SLCO1A2: variants seen among roughly 807,000 people sequenced by gnomAD.
The protein encoded by SLCO1A2 is OATP-1.
In SLCO1A2, 67 loss-of-function variants were observed where a neutral mutation model predicts 69.0. That is an observed-to-expected ratio of 0.97 (90% CI 0.80 to 1.19). The LOEUF (loss-of-function observed/expected upper bound fraction) is 1.19, where lower values mean the gene tolerates loss of function less well. Among genes scored for constraint, SLCO1A2 ranks in the 50% most tolerant of loss-of-function variants. The pLI is 0.00. For synonymous variants in SLCO1A2, 260 were observed against 265.9 expected (o/e 0.98, Z 0.22); for missense variants, 787 against 793.7 (o/e 0.99, Z 0.10).
chr12:21,355,117 A>T (rs1938261548), intron 2 of SLCO1A2: 1 of 152,208 alleles, frequency 6.6e-6, no homozygotes, highest in South Asian at 2.1e-4. Context: ...TTTCTTTATC[A>T]TATGATCCAT....
rs1464511484 is a variant in SLCO1A2, at chr12:21,328,542, C to G, written c.60+6046G>C. On this transcript the variant is annotated intron_variant, in intron 2 of 14. Coordinates refer to ENST00000683939, the MANE Select transcript of SLCO1A2 (RefSeq NM_001386879.1). ...AGGCCTCTAGGCAGTTATGGATTCT[C>G]CTGGCGTGAGCAGGTAGAGGTGGTG... Among the ~76,000 whole-genome samples the G allele has an allele frequency of 2.0e-5, 3 of 152,078 alleles. No individual in the cohort carries two copies. In the East Asian group the frequency reaches 5.8e-4, roughly 29 times the overall value.
At chr12:21,307,052 G>GCC in intron 4 of SLCO1A2, 64 bp from the exon 5 acceptor site, 1 of 1,130,594 alleles carries the variant, frequency 8.8e-7, no homozygotes, top group Non-Finnish European at 1.3e-6. Flanking sequence ...TGGGCAATGT[G>GCC]CAGATTGTTA....
chr12:21,398,710 G>T (rs1429023679), upstream of SLCO1A2, among the ~76,000 whole-genome samples: 2 of 150,392 alleles, frequency 1.3e-5, no homozygotes, highest in East Asian at 4.0e-4. Context: ...GGGATGCAAG[G>T]CTGGTTCAAT....
chr12:21,325,325 A>T (rs908109749), intron 2 of SLCO1A2, among the ~76,000 whole-genome samples: 1 of 150,912 alleles, frequency 6.6e-6, no homozygotes, highest in African/African-American at 2.5e-5. Flanking sequence ...AAGAAGTTAA[A>T]ATTACCTTAC....
At chr12:21,344,278 C>A (rs1444034709) in intron 2 of SLCO1A2, among the ~76,000 whole-genome samples, 2 of 151,950 alleles carry the variant, frequency 1.3e-5, no homozygotes, top group South Asian at 2.1e-4. Context: ...ACAATATAAT[C>A]CAAGGAAGAG....
intron 2 of SLCO1A2, among the ~76,000 whole-genome samples, chr12:21,364,112 C>A (rs1338029146): frequency 1.3e-5 from 2 of 152,094 alleles, no homozygotes; most frequent in African/African-American, 4.8e-5. Context: ...AATTTTAGAC[C>A]AATATCCCTG....
chr12:21,294,091 C>T lies in SLCO1A2; in HGVS notation c.1291G>A (p.Val431Met), dbSNP rs1454081491. ...SYEGIPQDLY[V>M]ENDIFADCNV... ...CAATCAGCAAAGATGTCATTTTCCACATATAAATCTTGTGGAATTCTGAAG... is the reference window on the plus strand; with the variant it reads ...CAATCAGCAAAGATGTCATTTTCCATATATAAATCTTGTGGAATTCTGAAG... Residue 431 changes from valine (V) to methionine (M), a missense_variant, in exon 11 of 15, where the codon GTG becomes ATG. Val to Met is a conservative substitution (Grantham distance 21). Transcript: ENST00000683939. 6.3e-7 allele frequency: 1 copy of T among 1,596,684 alleles called. No individual in the cohort carries two copies. The highest frequency in any genetic ancestry group is 8.5e-7 in the Non-Finnish European group (1 of 1,172,376).
chr12:21,288,396 G>T lies in SLCO1A2; in HGVS notation c.1610+3768C>A, dbSNP rs572236842. The stretch of plus-strand genomic sequence containing the variant: ...GCGGAGGTTGCAGTGAGCCAAGATT[G>T]TGCCACTGCACTCCAGCCTGGACAA... On this transcript the variant is annotated intron_variant, in intron 12 of 14. Coordinates refer to ENST00000683939, the MANE Select transcript of SLCO1A2 (RefSeq NM_001386879.1). Among the ~76,000 whole-genome samples the T allele has an allele frequency of 3.9e-5, 6 of 152,144 alleles. No individual in the cohort carries two copies. The South Asian group carries it at 1.2e-3, about 32-fold the overall frequency.
intron 6 of SLCO1A2, among the ~76,000 whole-genome samples, chr12:21,302,555 AT>A (rs34875372): frequency 0.021 from 2,951 of 140,670 alleles, 55 homozygotes; most frequent in African/African-American, 0.058. Flanking sequence ...TTACCTCTCC[AT>A]TTTTTTTTTT....
At chr12:21,324,111 A>T (rs1951992027) in intron 2 of SLCO1A2, among the ~76,000 whole-genome samples, 1 of 152,210 alleles carries the variant, frequency 6.6e-6, no homozygotes, top group African/African-American at 2.4e-5. Context: ...GTGTGTCAGA[A>T]TGGAAAATGG....
At chr12:21,386,615 C>G (rs1230504400) in intron 1 of SLCO1A2, among the ~76,000 whole-genome samples, 4 of 151,842 alleles carry the variant, frequency 2.6e-5, no homozygotes, top group Non-Finnish European at 4.4e-5. Context: ...GATTGTGTGG[C>G]CCCCCCAGCC....
rs565829951 is a variant in SLCO1A2 at position 21,322,267 on chromosome 12, T to G, written c.61-3344A>C. Among the ~76,000 whole-genome samples, 3 of 149,956 alleles carry G rather than the reference T, an allele frequency of 2.0e-5. No homozygotes were observed. The South Asian group carries it at 6.3e-4, about 32-fold the overall frequency. ...TGGCTGATGCCTGTGAACCCAAAAG[T>G]ATCTGAGACAGTTCTCAATCAATTT... On this transcript the variant is annotated intron_variant, in intron 2 of 14. Transcript: ENST00000683939.
chr12:21,395,715 C>T (rs531059965), upstream of SLCO1A2, among the ~76,000 whole-genome samples: 1 of 152,268 alleles, frequency 6.6e-6, no homozygotes, highest in East Asian at 1.9e-4. Flanking sequence ...GTCCCTGACC[C>T]CTGACCCCCG....
chr12:21,368,687 T>C (rs1939569244), intron 2 of SLCO1A2, among the ~76,000 whole-genome samples: 1 of 152,106 alleles, frequency 6.6e-6, no homozygotes, highest in African/African-American at 2.4e-5. Context: ...GGAAAGTAGG[T>C]AGGAATATAG....
chr12:21,393,428 T>C (rs1477423582), intron 1 of SLCO1A2, among the ~76,000 whole-genome samples: 4 of 152,196 alleles, frequency 2.6e-5, no homozygotes, highest in Non-Finnish European at 5.9e-5. Context: ...GAAACAACCA[T>C]TTTCAATTGT....
chr12:21,281,790 G>C (rs1338179381), intron 12 of SLCO1A2, among the ~76,000 whole-genome samples: 2 of 152,058 alleles, frequency 1.3e-5, no homozygotes, highest in East Asian at 1.9e-4. Flanking sequence ...TTAAACTCAA[G>C]GCTATTATGA....
At chr12:21,418,486 G>A (rs781390201), upstream of SLCO1A2, among the ~76,000 whole-genome samples, 2 of 152,190 alleles carry the variant, frequency 1.3e-5, no homozygotes, top group African/African-American at 2.4e-5. Flanking sequence ...TGAATTCACA[G>A]TTACATGTGG....
chr12:21,363,121 C>A (rs916283401), intron 2 of SLCO1A2, among the ~76,000 whole-genome samples: 1 of 152,294 alleles, frequency 6.6e-6, no homozygotes, highest in Admixed American at 6.5e-5. Flanking sequence ...CACACTTATT[C>A]CAAAATGGAC....
chr12:21,410,617 A>C (rs1941893066), intron 1 of SLCO1A2, among the ~76,000 whole-genome samples: 1 of 152,164 alleles, frequency 6.6e-6, no homozygotes, highest in Admixed American at 6.6e-5. Context: ...CTGGGAATAG[A>C]CTTGCCTGTG....
Sources: allele counts gnomAD v4.1 joint callset (sites outside exome capture counted in the v4.1 genomes callset), GRCh38; gene constraint gnomAD v4.1.1; transcripts MANE v1.5; gene names NCBI Gene and HGNC (gene_info 2026-07-23, HGNC 2026-07-21).